The following PDZK1 variants were observed in gnomAD, a reference collection of about 807,000 sequenced individuals.
PDZK1 encodes the protein Na(+)/H(+) exchange regulatory cofactor NHE-RF3.
PDZK1 carries 23 observed loss-of-function variants against 38.1 expected under a neutral mutation model. That is an observed-to-expected ratio of 0.60 (90% CI 0.43 to 0.85). PDZK1 has a LOEUF of 0.85. Ranked by LOEUF, PDZK1 falls within the 40% of genes least tolerant of loss-of-function variation. PDZK1 has a pLI of 0.00. For synonymous variants in PDZK1, 98 were observed against 186.2 expected (o/e 0.53, Z 3.86); for missense variants, 297 against 504.3 (o/e 0.59, Z 3.94).
intron 1 of PDZK1, among the ~76,000 whole-genome samples, chr1:145,698,688 G>C (rs1553704556): frequency 6.6e-6 from 1 of 152,110 alleles, no homozygotes; most frequent in Non-Finnish European, 1.5e-5. Context: ...CAGCACTTTG[G>C]GAGGCCGAGA....
chr1:145,702,765 C>CGCCTG (rs1371207146), intron 1 of PDZK1, among the ~76,000 whole-genome samples: 1 of 152,028 alleles, frequency 6.6e-6, no homozygotes, highest in Non-Finnish European at 1.5e-5. Flanking sequence ...TGGTGGCGGA[C>CGCCTG]GCCTGTAGTC....
intron 1 of PDZK1, among the ~76,000 whole-genome samples, chr1:145,699,790 G>C (rs892504619): frequency 1.3e-5 from 2 of 152,196 alleles, no homozygotes; most frequent in Admixed American, 6.5e-5. Flanking sequence ...GAAAGAGCAA[G>C]GGTTTTAGAG....
chr1:145,698,910 G>A (rs1189388279), intron 1 of PDZK1, among the ~76,000 whole-genome samples: 2 of 151,990 alleles, frequency 1.3e-5, no homozygotes, highest in African/African-American at 4.8e-5. Flanking sequence ...CTGCACTCCA[G>A]CCTGGGCGAC....
At chr1:145,682,985 T>C (rs1403035837) in intron 3 of PDZK1, among the ~76,000 whole-genome samples, 2 of 152,176 alleles carry the variant, frequency 1.3e-5, no homozygotes, top group East Asian at 3.8e-4. Context: ...TAAGTTCCCC[T>C]GATAAATTCC....
chr1:145,686,330 C>T (rs1346765783), intron 3 of PDZK1, 147 bp downstream of exon 3: 15 of 733,492 alleles, frequency 2.0e-5, no homozygotes, highest in African/African-American at 1.4e-4. Context: ...GAGTGAGAGA[C>T]GGAGGGAGGC....
At position 145,675,685 on chromosome 1, in the gene PDZK1, G is replaced by A. The variant is rs1335151572; in HGVS notation, c.991-1804C>T. The stretch of plus-strand genomic sequence containing the variant: ...AGCAAATCAACTGTATCTGACAGTC[G>A]CAGCTCATCTCGAGGCAAAGTGCAA... On this transcript the variant is annotated intron_variant, in intron 6 of 8. Transcript: ENST00000417171. 5.9e-5 allele frequency among the ~76,000 whole-genome samples: 9 copies of A among 152,110 alleles called. No homozygotes were observed. The South Asian group carries it at 6.2e-4, about 11-fold the overall frequency.
intron 1 of PDZK1, among the ~76,000 whole-genome samples, chr1:145,702,075 T>C (rs1337546031): frequency 1.3e-5 from 2 of 152,156 alleles, no homozygotes; most frequent in Non-Finnish European, 2.9e-5. Flanking sequence ...ATATGAGAAA[T>C]CAATGAAATC....
intron 1 of PDZK1, among the ~76,000 whole-genome samples, chr1:145,689,932 C>A (rs1205546163): frequency 6.6e-6 from 1 of 152,178 alleles, no homozygotes; most frequent in Non-Finnish European, 1.5e-5. Flanking sequence ...CTCCTGCAGT[C>A]TCCGCAAAGT....
intron 1 of PDZK1, among the ~76,000 whole-genome samples, chr1:145,695,448 G>C (rs1482977957): frequency 6.6e-6 from 1 of 151,874 alleles, no homozygotes; most frequent in South Asian, 2.1e-4. Flanking sequence ...GAGAGAGAGA[G>C]AGAAAGAGGA....
intron 8 of PDZK1, among the ~76,000 whole-genome samples, chr1:145,672,113 A>C (rs1416892283): frequency 1.3e-5 from 2 of 152,232 alleles, no homozygotes; most frequent in East Asian, 3.8e-4. Flanking sequence ...AAAATTGGGC[A>C]AAAATATAAA....
In PDZK1 at chr1:145,687,693, G is replaced by A. The variant is rs1308733986; in HGVS notation, c.210+119C>T. The A allele has an allele frequency of 1.5e-5, 12 of 803,014 alleles. No individual in the cohort carries two copies. The Admixed American group carries it at 2.4e-4, about 16-fold the overall frequency. 49.7% of individuals were successfully genotyped at this position (803,014 alleles called of 1,614,324 possible). On this transcript the variant is annotated intron_variant, in intron 2 of 8. Transcript: ENST00000417171. ...CAAGGTACAGCAATAAAGGTGTCCT[G>A]CCTTGCCAGTGGCAGCCAGGAAAGA...
chr1:145,675,841 A>C (rs1553699148), intron 6 of PDZK1, among the ~76,000 whole-genome samples: 3 of 151,484 alleles, frequency 2.0e-5, no homozygotes, highest in African/African-American at 7.3e-5. Context: ...AAATGGTGAA[A>C]CCTCATTCTC....
intron 6 of PDZK1, among the ~76,000 whole-genome samples, chr1:145,674,662 A>G (rs2101870186): frequency 6.6e-6 from 1 of 152,180 alleles, no homozygotes; most frequent in African/African-American, 2.4e-5. Context: ...TAGGACTGCC[A>G]ATCAGGGGTG....
At chr1:145,676,477 T>G (rs1214778141) in intron 6 of PDZK1, among the ~76,000 whole-genome samples, 1 of 151,800 alleles carries the variant, frequency 6.6e-6, no homozygotes, top group Non-Finnish European at 1.5e-5. Flanking sequence ...GGCTTATACC[T>G]GTAATCCCAG....
chr1:145,679,940 CTG>C (rs781894248), intron 5 of PDZK1, among the ~76,000 whole-genome samples: 3 of 152,340 alleles, frequency 2.0e-5, no homozygotes, highest in Non-Finnish European at 2.9e-5. Context: ...TGTCTCCTGA[CTG>C]TGTTCACATG....
In PDZK1 at chr1:145,695,190, G is replaced by A. The variant is rs587769911; in HGVS notation, c.-2-7167C>T. Among the ~76,000 whole-genome samples, 3 of 152,088 alleles carry A rather than the reference G, an allele frequency of 2.0e-5. No individual in the cohort carries two copies. The East Asian group carries it at 5.8e-4, about 30-fold the overall frequency. The stretch of plus-strand genomic sequence containing the variant: ...AACACTTTGGGAGGCAGAGGCAGAG[G>A]TGGGCAGATCACTTGAGGTCAGGAG... On this transcript the variant is annotated intron_variant, in intron 1 of 8. Transcript: ENST00000417171.
At chr1:145,688,066 A>G (rs1394070622) in intron 1 of PDZK1, 43 bp from the exon 2 acceptor site, 12 of 1,474,524 alleles carry the variant, frequency 8.1e-6, no homozygotes, top group Non-Finnish European at 1.1e-5. Context: ...GGAAAAGAGA[A>G]TCTAATTGGA....
At chr1:145,681,895 C>T (rs1349372045) in intron 4 of PDZK1, among the ~76,000 whole-genome samples, 7 of 30,310 alleles carry the variant, frequency 2.3e-4, no homozygotes, top group African/African-American at 9.2e-4. Context: ...ATTCAGAGGG[C>T]GCAGTGGCAC....
At chr1:145,680,589 G>T (rs1355769284) in intron 5 of PDZK1, among the ~76,000 whole-genome samples, 1 of 152,022 alleles carries the variant, frequency 6.6e-6, no homozygotes, top group African/African-American at 2.4e-5. Flanking sequence ...GACATGGGAG[G>T]AGTATTTACA....
Sources: gnomAD v4.1 joint callset for allele counts (sites outside exome capture counted in the v4.1 genomes callset) on GRCh38, gnomAD v4.1.1 for gene constraint, MANE v1.5 for transcripts, NCBI Gene and HGNC (gene_info 2026-07-23, HGNC 2026-07-21) for gene names.